VEGFB: variants seen among roughly 807,000 people sequenced by gnomAD.
VEGFB encodes vascular endothelial growth factor B, also known as VEGF-related factor.
In VEGFB, 24 loss-of-function variants were observed where a neutral mutation model predicts 22.5. That is an observed-to-expected ratio of 1.07 (90% CI 0.77 to 1.50). The LOEUF is 1.50. Ranked by LOEUF, VEGFB falls within the 40% of genes most tolerant of loss-of-function variation. The pLI, the probability that VEGFB is intolerant of heterozygous loss-of-function variation, is 0.00. For synonymous variants in VEGFB, 141 were observed against 117.4 expected (o/e 1.20, Z -1.30); for missense variants, 327 against 287.8 (o/e 1.14, Z -0.99).
intron 4 of VEGFB, 127 bp downstream of exon 4, chr11:64,236,454 G>A (rs1253609503): frequency 1.4e-5 from 12 of 863,094 alleles, no homozygotes; most frequent in Admixed American, 2.4e-5. Context: ...GGTAGCTCAC[G>A]CCTGTAATCC....
chr11:64,234,903 G>A lies in VEGFB; in HGVS notation c.60+10G>A. 2 of 1,280,198 alleles carry A rather than the reference G, an allele frequency of 1.6e-6. No homozygotes were observed. The highest frequency in any genetic ancestry group is 3.2e-5 in the East Asian group (1 of 31,678). The allele number at this position is 1,280,198 out of a possible 1,614,324, so 79.3% of individuals were successfully genotyped here. On this transcript the variant is annotated intron_variant, in intron 1 of 6. Coordinates refer to ENST00000309422, the MANE Select transcript of VEGFB (RefSeq NM_003377.5). The surrounding 1 kb of genome is among the most constrained non-coding windows in gnomAD (Gnocchi z 5.3). ...GCTGGCCCCCGCCCAGGTACGTGCG[G>A]CCCGACAGCGCGCCCGCCCGCCCGC...
Position 64,238,001 on chromosome 11 carries a change from C to T in VEGFB, c.*22+346C>T, listed in dbSNP as rs2030230488. ...CAGCTTTTCCAGCTTGCAGTTCGGG[C>T]CTTCCCAGAAGCCCCTGTGGTAGAC... is the stretch of plus-strand genomic sequence containing the variant. On this transcript the variant is annotated intron_variant, in intron 6 of 6. Coordinates refer to ENST00000309422, the MANE Select transcript of VEGFB (RefSeq NM_003377.5). 6.2e-6 allele frequency: 3 copies of T among 480,240 alleles called. 1 individual carries two copies. In the East Asian group the frequency reaches 1.0e-4, roughly 16 times the overall value. The allele number at this position is 480,240 out of a possible 1,614,324, so 29.7% of individuals were successfully genotyped here.
rs369533004 is a variant in VEGFB at position 64,235,930 on chromosome 11, C to T, written c.221C>T (p.Thr74Ile). Residue 74 changes from threonine to isoleucine, a missense_variant, in exon 3 of 7, where the codon ACT becomes ATT. Transcript: ENST00000309422. ...VAKQLVPSCV[T>I]VQRCGGCCPD... ...AAACAGCTGGTGCCCAGCTGCGTGA[C>T]TGTGCAGCGCTGTGGTGGCTGCTGC... The T allele has an allele frequency of 6.2e-7, 1 of 1,613,262 alleles. No homozygotes were observed. Among genetic ancestry groups the T allele is most frequent in the South Asian group, 1.1e-5 (1 of 91,028 alleles).
Position 64,236,273 on chromosome 11 carries a change from C to G in VEGFB, c.320C>G (p.Pro107Arg). Residue 107 changes from proline to arginine, a missense_variant, in exon 4 of 7, where the codon CCG becomes CGG. Pro to Arg is a moderately radical substitution (Grantham distance 103). Coordinates refer to ENST00000309422, the MANE Select transcript of VEGFB (RefSeq NM_003377.5). ...GCACAGATCCTCATGATCCGGTACC[C>G]GAGCAGTCAGCTGGGGGAGATGTCC... ...VRMQILMIRY[P>R]SSQLGEMSLE... is the part of the protein sequence containing the mutation. The G allele has an allele frequency of 6.2e-7, 1 of 1,613,960 alleles. No individual in the cohort carries two copies. The highest frequency in any genetic ancestry group is 8.5e-7 in the Non-Finnish European group (1 of 1,179,982).
chr11:64,235,340 T>G (rs537102285), intron 1 of VEGFB, 118 bp from the exon 2 acceptor site: 8 of 985,512 alleles, frequency 8.1e-6, no homozygotes, highest in South Asian at 5.6e-5. Context: ...CAGAGCAATC[T>G]GGAAAGATGT....
Sources: allele counts gnomAD v4.1 joint callset, GRCh38; gene constraint gnomAD v4.1.1; non-coding constraint Gnocchi (gnomAD v3.1); transcripts MANE v1.5; gene names NCBI Gene and HGNC (gene_info 2026-07-23, HGNC 2026-07-21).